Variants in CLIP1 observed in about 807,000 individuals in gnomAD.
The protein encoded by CLIP1 is CAP-Gly domain containing linker protein 1.
A neutral mutation model predicts 161.6 loss-of-function variants in CLIP1; 66 were observed. That is an observed-to-expected ratio of 0.41 (90% CI 0.33 to 0.50). The LOEUF (loss-of-function observed/expected upper bound fraction) is 0.50. Ranked by LOEUF, CLIP1 falls within the 20% of genes least tolerant of loss-of-function variation. The pLI, the probability that CLIP1 is intolerant of heterozygous loss-of-function variation, is 0.27. For synonymous variants in CLIP1, 598 were observed against 626.2 expected, an observed-to-expected ratio of 0.96 and a Z score of 0.67; for missense variants, 1,376 against 1,702.0, an observed-to-expected ratio of 0.81 and a Z score of 3.37.
At position 122,377,727 on chromosome 12, in the gene CLIP1, G is replaced by A. The variant is rs1954814084; in HGVS notation, c.319C>T (p.Arg107Trp). 8.7e-6 allele frequency: 14 copies of A among 1,613,722 alleles called. No homozygotes were observed. Among genetic ancestry groups the A allele is most frequent in the East Asian group, 2.2e-5 (1 of 44,824 alleles). The change falls in exon 3 of 26, where the codon CGG (arginine) becomes TGG (tryptophan). Residue 107 changes from arginine (R) to tryptophan (W), a missense_variant. By Grantham distance (101) the Arg-to-Trp change is moderately radical. Around this residue, in one of 6 missense-constraint regions of CLIP1, gnomAD observed 27 missense variants for 64.1 expected, o/e 0.42. Coordinates refer to ENST00000620786, the MANE Select transcript of CLIP1 (RefSeq NM_001247997.2). ...GKNDGSVAGV[R>W]YFQCEPLKGI... is the part of the protein sequence containing the mutation. ...TTTAAAGGTTCACACTGGAAATACC[G>A]AACTCCTGCCACCGAACCATCGTTC... is the stretch of plus-strand genomic sequence containing the variant.
chr12:122,363,957 A>G, intron 4 of CLIP1, 26 bp downstream of exon 4: 1 of 1,613,600 alleles, frequency 6.2e-7, no homozygotes, highest in East Asian at 2.2e-5. Flanking sequence ...AGAGTGACAC[A>G]AGATGTTGCA....
chr12:122,341,726 A>G lies in CLIP1; in HGVS notation c.1507-29T>C, dbSNP rs753262378. On this transcript the variant is annotated intron_variant, in intron 10 of 25. Transcript: ENST00000620786. ...TTAACAGCAGTCCAAAGAAAAAAAG[A>G]TCATTTAAATAACAAGTCATTGACT... is the stretch of plus-strand genomic sequence containing the variant. 5.5e-6 allele frequency: 6 copies of G among 1,092,754 alleles called. No homozygotes were observed. The East Asian group carries it at 8.2e-5, about 15-fold the overall frequency. 67.7% of individuals were successfully genotyped at this position (1,092,754 alleles called of 1,614,324 possible).
rs1041152434 is a variant in CLIP1 at position 122,328,178 on chromosome 12, A to G, written c.3034-16T>C. ...TTTTCTTTTCCTGCAGAGACCCCGAATGAGGGAATGAGTCATCTGCCCATG... is the reference window on the plus strand; with the variant it reads ...TTTTCTTTTCCTGCAGAGACCCCGAGTGAGGGAATGAGTCATCTGCCCATG... On this transcript the variant is annotated splice_polypyrimidine_tract_variant and intron_variant, in intron 16 of 25. Transcript: ENST00000620786. 1 of 1,613,674 alleles carries G rather than the reference A, an allele frequency of 6.2e-7. No individual in the cohort carries two copies. The highest frequency in any genetic ancestry group is 2.2e-5 in the East Asian group (1 of 44,836).
At chr12:122,295,499 A>T (rs186171249) in intron 20 of CLIP1, among the ~76,000 whole-genome samples, 1 of 152,352 alleles carries the variant, frequency 6.6e-6, no homozygotes, top group Non-Finnish European at 1.5e-5. Context: ...CACCTTTTTA[A>T]ATTGACTGAA....
At chr12:122,404,194 G>A (rs552158915) in intron 1 of CLIP1, among the ~76,000 whole-genome samples, 8 of 152,206 alleles carry the variant, frequency 5.3e-5, no homozygotes, top group Non-Finnish European at 1.0e-4. Context: ...GGCCACAGAA[G>A]GGCCAATGTA....
At chr12:122,405,411 T>C (rs997735631) in intron 1 of CLIP1, among the ~76,000 whole-genome samples, 16 of 152,226 alleles carry the variant, frequency 1.1e-4, no homozygotes, top group Admixed American at 7.9e-4. Context: ...TATGTGGGTA[T>C]TTATGTATGC....
At position 122,364,065 on chromosome 12, in the gene CLIP1, T is replaced by G; in HGVS notation, c.700A>C (p.Thr234Pro). 1 of 1,614,052 alleles carries G rather than the reference T, an allele frequency of 6.2e-7. No individual in the cohort carries two copies. The highest frequency in any genetic ancestry group is 8.5e-7 in the Non-Finnish European group (1 of 1,180,018). The change falls in exon 4 of 26, where the codon ACC (threonine) becomes CCC (proline). Residue 234 changes from threonine (T) to proline (P), a missense_variant. By Grantham distance (38) the Thr-to-Pro change is conservative (BLOSUM62 -1). Around this residue, in one of 6 missense-constraint regions of CLIP1, gnomAD observed 211 missense variants for 295.1 expected, o/e 0.72. Coordinates refer to ENST00000620786, the MANE Select transcript of CLIP1 (RefSeq NM_001247997.2). Reference protein sequence around the residue: ...KAGVVRFLGETDFAKGEWCGV... With the variant: ...KAGVVRFLGEPDFAKGEWCGV... The stretch of plus-strand genomic sequence containing the variant: ...CACCACTCCCCCTTGGCAAAGTCGG[T>G]CTCCCCAAGAAACCGGACTACACCA...
rs374280771 is a variant in CLIP1 at position 122,299,878 on chromosome 12, T to C, written c.3594+9884A>G. Among the ~76,000 whole-genome samples, 16 of 151,796 alleles carry C rather than the reference T, an allele frequency of 1.1e-4. No individual in the cohort carries two copies. The South Asian group carries it at 1.7e-3, about 16-fold the overall frequency. On this transcript the variant is annotated intron_variant, in intron 20 of 25. Coordinates refer to ENST00000620786, the MANE Select transcript of CLIP1 (RefSeq NM_001247997.2). ...TTGCAGTGAGCTGAGATCGTGCCAC[T>C]GCACTCCAGCCTGGGCGACAGAGCA...
At chr12:122,368,217 G>A (rs1392145339) in intron 3 of CLIP1, among the ~76,000 whole-genome samples, 10 of 152,160 alleles carry the variant, frequency 6.6e-5, no homozygotes, top group Non-Finnish European at 1.2e-4. Flanking sequence ...TTTCTTGAGT[G>A]TTTGGATCCT....
chr12:122,292,819 T>C (rs528669764), intron 20 of CLIP1, among the ~76,000 whole-genome samples: 30 of 151,752 alleles, frequency 2.0e-4, no homozygotes, highest in East Asian at 1.6e-3. Context: ...CTGGCTAACA[T>C]GGTGAAACCC....
At chr12:122,354,342 C>G (rs1253083345) in intron 7 of CLIP1, 111 bp downstream of exon 7, 1 of 687,952 alleles carries the variant, frequency 1.5e-6, no homozygotes, top group African/African-American at 1.8e-5. Context: ...TTGTAGTGAG[C>G]TGAGATTGCA....
intron 19 of CLIP1, among the ~76,000 whole-genome samples, chr12:122,314,204 T>G (rs1442564137): frequency 5.4e-5 from 8 of 147,618 alleles, no homozygotes; most frequent in Non-Finnish European, 1.2e-4. Flanking sequence ...GGCAGGAGAA[T>G]CGCTTCAACC....
intron 3 of CLIP1, among the ~76,000 whole-genome samples, chr12:122,376,418 G>A (rs1393206569): frequency 6.6e-6 from 1 of 152,018 alleles, no homozygotes; most frequent in Non-Finnish European, 1.5e-5. Context: ...CTGTCATGTG[G>A]AGACTGGAGT....
chr12:122,354,993 A>C (rs1227345005), intron 6 of CLIP1, 122 bp downstream of exon 6: 4 of 822,760 alleles, frequency 4.9e-6, no homozygotes. Context: ...CAGCAAAGAA[A>C]TGTACACCCA....
In CLIP1 at chr12:122,341,762, CTTTTTTTTTTTTTTTTTT is replaced by C. The variant is rs57202144; in HGVS notation, c.1507-83_1507-66del. 3.0e-3 allele frequency: 291 copies of C among 98,618 alleles called. 4 individuals are homozygous for C. The highest frequency in any genetic ancestry group is 0.013 in the South Asian group (91 of 6,806). 6.1% of individuals were successfully genotyped at this position (98,618 alleles called of 1,614,324 possible). On this transcript the variant is annotated intron_variant, in intron 10 of 25. Coordinates refer to ENST00000620786, the MANE Select transcript of CLIP1 (RefSeq NM_001247997.2). ...AACAAGTCATTGACTATTTTCTTTT[CTTTTTTTTTTTTTTTTTT>C]TTTTTTTTTTTTTTTTTTTTGAGAT...
intron 5 of CLIP1, among the ~76,000 whole-genome samples, chr12:122,360,429 AAAATT>A (rs1566171195): frequency 1.3e-5 from 2 of 151,744 alleles, no homozygotes; most frequent in Non-Finnish European, 2.9e-5. Context: ...AAAAAAAAAA[AAAATT>A]AAATTAACCA....
At chr12:122,296,308 C>A (rs1408261979) in intron 20 of CLIP1, among the ~76,000 whole-genome samples, 1 of 152,154 alleles carries the variant, frequency 6.6e-6, no homozygotes, top group Non-Finnish European at 1.5e-5. Context: ...ATTCACCCAA[C>A]TATACACCTA....
chr12:122,417,309 A>G (rs990949336), intron 1 of CLIP1, among the ~76,000 whole-genome samples: 1 of 151,826 alleles, frequency 6.6e-6, no homozygotes, highest in African/African-American at 2.4e-5. Context: ...AAACAAAACA[A>G]AACAAAACAA....
At position 122,285,812 on chromosome 12, in the gene CLIP1, C is replaced by T. The variant is rs373302628; in HGVS notation, c.3647+2677G>A. 3.4e-4 allele frequency among the ~76,000 whole-genome samples: 51 copies of T among 151,982 alleles called. No individual in the cohort carries two copies. In the East Asian group the frequency reaches 9.1e-3, roughly 27 times the overall value. On this transcript the variant is annotated intron_variant, in intron 21 of 25. Transcript: ENST00000620786. The stretch of plus-strand genomic sequence containing the variant: ...TGCCAGAATGCTGCAGGAACAAGCC[C>T]TATTTATTTTTTCACGTGTCCTTGA...
Sources: gnomAD v4.1 joint callset for allele counts (sites outside exome capture counted in the v4.1 genomes callset) on GRCh38, gnomAD v4.1.1 for gene constraint, gnomAD v4.1.1 regional missense constraint, MANE v1.5 for transcripts, NCBI Gene and HGNC (gene_info 2026-07-23, HGNC 2026-07-21) for gene names.